The following DORIP1 variants were observed in gnomAD, a reference collection of about 807,000 sequenced individuals.
DORIP1 encodes dopamine receptor-interacting protein 1.
At chr14:44,900,783 G>C in the DORIP1 span, 2 of 1,613,978 alleles carry the variant, frequency 1.2e-6, no homozygotes, top group Non-Finnish European at 1.7e-6. Flanking sequence ...TGGAAAAACA[G>C]CAATACAAAT....
chr14:44,897,896 A>G, the DORIP1 span, among the ~76,000 whole-genome samples: 5 of 152,126 alleles, frequency 3.3e-5, no homozygotes, highest in Admixed American at 3.3e-4. Flanking sequence ...GTACAGGCGT[A>G]TTTTAGGCGC....
At chr14:44,899,183 C>T in the DORIP1 span, 4 of 152,144 alleles carry the variant, frequency 2.6e-5, no homozygotes, top group South Asian at 2.1e-4. Flanking sequence ...AAAGTATGTG[C>T]GCTATATAAC....
the DORIP1 span, chr14:44,905,680 T>C: frequency 1.7e-6 from 1 of 586,980 alleles, no homozygotes; most frequent in Non-Finnish European, 2.7e-6. Flanking sequence ...GTATTTTCAG[T>C]GTTTAACCCC....
the DORIP1 span, chr14:44,906,043 A>G: frequency 6.7e-6 from 1 of 149,430 alleles, no homozygotes; most frequent in Non-Finnish European, 1.5e-5. Flanking sequence ...TGAATGTACA[A>G]TTTATCGATG....
At chr14:44,903,385 T>A in the DORIP1 span, 2 of 1,508,394 alleles carry the variant, frequency 1.3e-6, no homozygotes, top group Non-Finnish European at 1.8e-6. Context: ...ACTTTATGAA[T>A]CTTATTAACC....
At chr14:44,905,177 AAT>A in the DORIP1 span, 130 of 406,596 alleles carry the variant, frequency 3.2e-4, no homozygotes, top group Non-Finnish European at 4.8e-4. Context: ...CATCTGTTAA[AAT>A]ATGTTTTTAA....
At chr14:44,899,519 C>G in the DORIP1 span, among the ~76,000 whole-genome samples, 1 of 152,030 alleles carries the variant, frequency 6.6e-6, no homozygotes. Context: ...ACTCCTCATG[C>G]TGTCTTTCAA....
the DORIP1 span, among the ~76,000 whole-genome samples, chr14:44,899,494 T>C: frequency 1.3e-5 from 2 of 152,188 alleles, no homozygotes; most frequent in African/African-American, 4.8e-5. Context: ...TCACTTAAGA[T>C]TGATTTTCAT....
the DORIP1 span, chr14:44,904,217 C>T: frequency 1.0e-6 from 1 of 985,304 alleles, no homozygotes; most frequent in Non-Finnish European, 1.2e-6. Context: ...AGCTTATAAA[C>T]TTCTGGAACT....
chr14:44,900,979 G>T, the DORIP1 span: 2 of 1,538,018 alleles, frequency 1.3e-6, no homozygotes, highest in Non-Finnish European at 1.7e-6. Flanking sequence ...TCTAACGTCT[G>T]TTTTGTCACT....
the DORIP1 span, among the ~76,000 whole-genome samples, chr14:44,898,574 CG>C: frequency 1.3e-5 from 2 of 152,136 alleles, no homozygotes; most frequent in Admixed American, 1.3e-4. Flanking sequence ...AAGTTATTTT[CG>C]TTTTTAAAGT....
chr14:44,899,823 AAT>A, the DORIP1 span, among the ~76,000 whole-genome samples: 625 of 134,416 alleles, frequency 4.6e-3, 53 homozygotes, highest in African/African-American at 0.02. Flanking sequence ...TTCATTTAGG[AAT>A]TTTTTTTTTT....
At chr14:44,904,884 C>A in the DORIP1 span, 1 of 184,172 alleles carries the variant, frequency 5.4e-6, no homozygotes, top group African/African-American at 2.3e-5. Context: ...TTAATAAGCA[C>A]ATACTAAGTG....
chr14:44,900,621 C>G, the DORIP1 span: 1 of 1,609,600 alleles, frequency 6.2e-7, no homozygotes, highest in Non-Finnish European at 8.5e-7. Context: ...TAGATGGATT[C>G]TTGATGTTAT....
At chr14:44,905,699 G>C in the DORIP1 span, 1 of 476,650 alleles carries the variant, frequency 2.1e-6, no homozygotes, top group African/African-American at 2.0e-5. Context: ...CCAGGTAAAT[G>C]TTTTATATAG....
chr14:44,899,381 C>G, the DORIP1 span: 8 of 152,128 alleles, frequency 5.3e-5, no homozygotes, highest in Non-Finnish European at 1.2e-4. Context: ...ATAGTATAGC[C>G]TCTGTAGTTA....
At chr14:44,902,449 C>A in the DORIP1 span, among the ~76,000 whole-genome samples, 3 of 152,140 alleles carry the variant, frequency 2.0e-5, no homozygotes, top group Non-Finnish European at 4.4e-5. Flanking sequence ...TGTCTCAGCA[C>A]CCCCAAGTAG....
At chr14:44,902,704 A>G in the DORIP1 span, among the ~76,000 whole-genome samples, 1 of 152,088 alleles carries the variant, frequency 6.6e-6, no homozygotes, top group Non-Finnish European at 1.5e-5. Flanking sequence ...ATTTTATACT[A>G]TTGAATAAAA....
chr14:44,900,054 C>T, the DORIP1 span, among the ~76,000 whole-genome samples: 5 of 152,062 alleles, frequency 3.3e-5, no homozygotes, highest in South Asian at 2.1e-4. Context: ...TGGTCTCGAA[C>T]GCCCGACCTC....
Sources: allele counts gnomAD v4.1 joint callset (sites outside exome capture counted in the v4.1 genomes callset), GRCh38; gene constraint gnomAD v4.1.1; transcripts MANE v1.5; gene names NCBI Gene and HGNC (gene_info 2026-07-23, HGNC 2026-07-21).